Variants in CACNA1C observed in about 807,000 individuals in gnomAD.
CACNA1C encodes calcium voltage-gated channel subunit alpha1 C.
CACNA1C carries 30 observed loss-of-function variants against 229.0 expected under a neutral mutation model. The observed-to-expected ratio is 0.13, with a 90% confidence interval of 0.10 to 0.18. The LOEUF is 0.18. Ranked by LOEUF, CACNA1C falls within the 10% of genes least tolerant of loss-of-function variation. The pLI is 1.00. For synonymous variants in CACNA1C, 1,114 were observed against 1,132.5 expected (o/e 0.98, Z 0.33); for missense variants, 1,658 against 2,845.0 (o/e 0.58, Z 9.49).
intron 3 of CACNA1C, among the ~76,000 whole-genome samples, chr12:2,200,972 T>G (rs565727873): frequency 9.8e-5 from 15 of 152,350 alleles, no homozygotes; most frequent in African/African-American, 2.9e-4. Context: ...CCTAGACATC[T>G]GTTTGAAAAA....
chr12:2,313,739 G>A (rs559636980), intron 3 of CACNA1C, among the ~76,000 whole-genome samples: 3 of 152,272 alleles, frequency 2.0e-5, no homozygotes, highest in South Asian at 2.1e-4. Context: ...AAGAGGGCCC[G>A]GGAGGGTCTT....
chr12:2,120,131 T>A (rs1366681907), intron 2 of CACNA1C, among the ~76,000 whole-genome samples, 194 bp from the exon 3 acceptor site: 1 of 152,224 alleles, frequency 6.6e-6, no homozygotes, highest in Admixed American at 6.5e-5. Context: ...TTTGACATAT[T>A]AGGGAAAATT....
Position 2,398,378 on chromosome 12 carries a change from A to G in CACNA1C, c.478-50598A>G, listed in dbSNP as rs1189388804. ...TCATCTCTAAATATAAAGTTTTCACATTGAATAAGCTTTTCCAAACTATAT... is the reference window on the plus strand; with the variant it reads ...TCATCTCTAAATATAAAGTTTTCACGTTGAATAAGCTTTTCCAAACTATAT... On this transcript the variant is annotated intron_variant, in intron 3 of 46. Transcript: ENST00000399655. 1.3e-5 allele frequency among the ~76,000 whole-genome samples: 2 copies of G among 152,310 alleles called. 1 individual carries two copies. The highest frequency in any genetic ancestry group is 2.9e-5 in the Non-Finnish European group (2 of 68,020).
intron 10 of CACNA1C, among the ~76,000 whole-genome samples, chr12:2,553,194 A>T (rs1017404249): frequency 3.3e-5 from 5 of 152,158 alleles, no homozygotes; most frequent in Non-Finnish European, 7.4e-5. Context: ...TCCTCTGGGA[A>T]AAAGAAGGGT....
chr12:2,001,987 T>C (rs146907357), intron 1 of CACNA1C, among the ~76,000 whole-genome samples: 6 of 152,330 alleles, frequency 3.9e-5, no homozygotes, highest in Non-Finnish European at 5.9e-5. Context: ...AATTGACACA[T>C]AGGTATTAAT....
rs1024821602 is a variant in CACNA1C at position 2,486,478 on chromosome 12, C to G, written c.916+216C>G. ...TAATCTCTGTTAAACCGGCCTAACG[C>G]AAACTTCGTTCAGCACTTTTCAATA... On this transcript the variant is annotated intron_variant, in intron 6 of 46. Transcript: ENST00000399655. This position sits in a 1 kb window ranked among gnomAD's most constrained non-coding sequence, Gnocchi z 4.9. Among the ~76,000 whole-genome samples the G allele has an allele frequency of 2.0e-5, 3 of 152,214 alleles. No homozygotes were observed. The highest frequency in any genetic ancestry group is 7.2e-5 in the African/African-American group (3 of 41,452).
intron 3 of CACNA1C, among the ~76,000 whole-genome samples, chr12:2,331,216 T>C (rs369900291): frequency 7.2e-4 from 109 of 152,346 alleles, no homozygotes; most frequent in Middle Eastern, 3.4e-3. Context: ...AATATGATTA[T>C]ATTTATTCAT....
chr12:2,645,498 A>C (rs576487867), intron 30 of CACNA1C, among the ~76,000 whole-genome samples: 6 of 152,236 alleles, frequency 3.9e-5, no homozygotes, highest in Non-Finnish European at 8.8e-5. Flanking sequence ...AAAAGTGCTG[A>C]TCCTGGGATA....
intron 5 of CACNA1C, among the ~76,000 whole-genome samples, chr12:2,469,675 A>G (rs187498027): frequency 1.6e-4 from 24 of 152,366 alleles, no homozygotes; most frequent in African/African-American, 4.3e-4. Context: ...GAGCACCATC[A>G]ACTGCATTGA....
rs868024060 is a variant in CACNA1C, at chr12:2,301,909, G to C, written c.478-147067G>C. Among the ~76,000 whole-genome samples the C allele has an allele frequency of 2.6e-5, 4 of 152,178 alleles. No homozygotes were observed. In the South Asian group the frequency reaches 8.3e-4, roughly 31 times the overall value. The stretch of plus-strand genomic sequence containing the variant: ...TGGAATTAAGGCTGAGAGGAGACTC[G>C]TGGGCAGGCTTTGCAATTGAATGAA... On this transcript the variant is annotated intron_variant, in intron 3 of 46. Coordinates refer to ENST00000399655, the MANE Select transcript of CACNA1C (RefSeq NM_000719.7).
intron 10 of CACNA1C, among the ~76,000 whole-genome samples, chr12:2,555,259 GA>G (rs1411144422): frequency 2.0e-5 from 3 of 152,222 alleles, no homozygotes; most frequent in Non-Finnish European, 4.4e-5. Context: ...TTGCACTTGT[GA>G]CCCGCTTGCA....
At chr12:2,113,289 A>G (rs1310657478) in intron 1 of CACNA1C, among the ~76,000 whole-genome samples, 1 of 152,210 alleles carries the variant, frequency 6.6e-6, no homozygotes, top group East Asian at 1.9e-4. Flanking sequence ...TGCTCTTCAC[A>G]GGTTCCTGTG....
chr12:2,506,055 G>C (rs1350606006), intron 8 of CACNA1C, among the ~76,000 whole-genome samples: 1 of 152,128 alleles, frequency 6.6e-6, no homozygotes, highest in Non-Finnish European at 1.5e-5. Context: ...CAGTGGGCTT[G>C]GCCTTCAGAG....
In CACNA1C at chr12:2,666,674, C is replaced by G. The variant is rs773142650; in HGVS notation, c.4527-12C>G. On this transcript the variant is annotated splice_polypyrimidine_tract_variant and intron_variant, in intron 36 of 46. Coordinates refer to ENST00000399655, the MANE Select transcript of CACNA1C (RefSeq NM_000719.7). The surrounding 1 kb of genome is among the most constrained non-coding windows in gnomAD (Gnocchi z 5.3). ...CTCTGATGCCCTGTCCCTCCTCTCC[C>G]TCCTCTTCTAGGGGTCGTATCAAAC... The G allele has an allele frequency of 6.4e-7, 1 of 1,557,726 alleles. No individual in the cohort carries two copies. Among genetic ancestry groups the G allele is most frequent in the East Asian group, 2.3e-5 (1 of 42,976 alleles).
chr12:2,323,465 A>G (rs1428440407), intron 3 of CACNA1C, among the ~76,000 whole-genome samples: 2 of 152,096 alleles, frequency 1.3e-5, no homozygotes, highest in African/African-American at 4.8e-5. Flanking sequence ...ATCTGAGAGG[A>G]CGGTGAGTGT....
rs2097844337 is a variant in CACNA1C at position 2,696,619 on chromosome 12, AAGC to A, written c.*5421_*5423del. On this transcript the variant is annotated 3_prime_UTR_variant, in exon 47 of 47. Coordinates refer to ENST00000399655, the MANE Select transcript of CACNA1C (RefSeq NM_000719.7). ...GTCATTATCCAAAAAAAAAAAAAAA[AAGC>A]TCTGGGTGGAAGAGTTTGTAAGTTT... 6.6e-6 allele frequency: 1 copy of A among 151,986 alleles called. No homozygotes were observed. Among genetic ancestry groups the A allele is most frequent in the Non-Finnish European group, 1.5e-5 (1 of 68,010 alleles). The allele number at this position is 151,986 out of a possible 1,614,324, so 9.4% of individuals were successfully genotyped here. A position where few individuals can be genotyped will look rare whatever the true frequency, so the allele number is the denominator to read the frequency against.
chr12:2,483,308 C>T (rs2099683903), intron 5 of CACNA1C, among the ~76,000 whole-genome samples: 1 of 152,206 alleles, frequency 6.6e-6, no homozygotes, highest in Non-Finnish European at 1.5e-5. Flanking sequence ...GGGTGACTTT[C>T]AGCTACAAAG....
intron 7 of CACNA1C, among the ~76,000 whole-genome samples, chr12:2,501,209 C>CAAAAAGAAAAAA (rs2099759200): frequency 3.2e-5 from 1 of 31,386 alleles, no homozygotes; most frequent in Non-Finnish European, 5.2e-5. Context: ...GACTCCACCT[C>CAAAAAGAAAAAA]AAAAAAAAAA....
chr12:2,475,190 T>A (rs1007473726), intron 5 of CACNA1C, among the ~76,000 whole-genome samples: 16 of 151,772 alleles, frequency 1.1e-4, no homozygotes, highest in African/African-American at 3.9e-4. Context: ...TCCCAGCTAC[T>A]CGGGAGGCTG....
Sources: gnomAD v4.1 joint callset for allele counts (sites outside exome capture counted in the v4.1 genomes callset) on GRCh38, gnomAD v4.1.1 for gene constraint, Gnocchi (gnomAD v3.1) non-coding constraint, MANE v1.5 for transcripts, NCBI Gene and HGNC (gene_info 2026-07-23, HGNC 2026-07-21) for gene names.